Variants in DZIP1 observed in about 807,000 individuals in gnomAD.
The protein encoded by DZIP1 is cilium assembly protein DZIP1.
In DZIP1, 97 loss-of-function variants were observed where a neutral mutation model predicts 107.6. That is an observed-to-expected ratio of 0.90 (90% confidence interval 0.77 to 1.07). The LOEUF is 1.07. Ranked by LOEUF, DZIP1 falls within the 50% of genes least tolerant of loss-of-function variation. The pLI is 0.00. For missense variants in DZIP1, 1,035 were observed against 1,063.6 expected, an observed-to-expected ratio of 0.97 and a Z score of 0.37; for synonymous variants, 390 against 386.4, an observed-to-expected ratio of 1.01 and a Z score of -0.11.
intron 5 of DZIP1, among the ~76,000 whole-genome samples, chr13:95,639,677 A>C (rs1207266667): frequency 1.9e-5 from 1 of 51,520 alleles, no homozygotes; most frequent in East Asian, 4.8e-4. Context: ...TAACCCCAAA[A>C]AAGGAAAAAA....
At position 95,630,131 on chromosome 13, in the gene DZIP1, C is replaced by T. The variant is rs768054359; in HGVS notation, c.686-18G>A. On this transcript the variant is annotated intron_variant, in intron 6 of 22. Coordinates refer to ENST00000376829, the MANE Select transcript of DZIP1 (RefSeq NM_198968.4). ...CTGATACTCTGTTGCAACAGAAAAT[C>T]GTGTTAAAACACCATCTCTTACCAA... The T allele has an allele frequency of 8.7e-6, 14 of 1,603,660 alleles. No homozygotes were observed. The highest frequency in any genetic ancestry group is 1.1e-5 in the Non-Finnish European group (13 of 1,175,198).
chr13:95,627,943 G>T (rs1443917545), intron 7 of DZIP1, among the ~76,000 whole-genome samples: 7 of 152,108 alleles, frequency 4.6e-5, no homozygotes, highest in Non-Finnish European at 8.8e-5. Flanking sequence ...ACATACAATG[G>T]AATATTAGCA....
intron 14 of DZIP1, among the ~76,000 whole-genome samples, chr13:95,600,224 G>A (rs1290419205): frequency 6.6e-6 from 1 of 152,180 alleles, no homozygotes; most frequent in Non-Finnish European, 1.5e-5. Context: ...GTTTAATGAT[G>A]GTGGTCAGGC....
At chr13:95,623,312 C>T (rs1319676887) in intron 8 of DZIP1, among the ~76,000 whole-genome samples, 1 of 152,174 alleles carries the variant, frequency 6.6e-6, no homozygotes, top group Non-Finnish European at 1.5e-5. Context: ...GTCTCCTCTC[C>T]TCAGTGTAGG....
At chr13:95,606,142 G>A (rs575654906) in intron 13 of DZIP1, 83 bp from the exon 14 acceptor site, 36 of 1,301,136 alleles carry the variant, frequency 2.8e-5, no homozygotes, top group African/African-American at 1.8e-4. Flanking sequence ...CAAATATGCC[G>A]CAAACTAGTC....
chr13:95,621,020 C>T lies in DZIP1; in HGVS notation c.1111-1073G>A, dbSNP rs143460309. On this transcript the variant is annotated intron_variant, in intron 9 of 22. Coordinates refer to ENST00000376829, the MANE Select transcript of DZIP1 (RefSeq NM_198968.4). ...GACAGGCCCTGCTCTGCACGGGAGG[C>T]GAGTAGACACAGCCATGGAGAATCC... is the stretch of plus-strand genomic sequence containing the variant. Among the ~76,000 whole-genome samples, 186 of 152,202 alleles carry T rather than the reference C, an allele frequency of 1.2e-3. 1 individual carries two copies. The highest frequency in any genetic ancestry group is 4.4e-3 in the African/African-American group (181 of 41,520).
chr13:95,621,664 C>CTGTGTG lies in DZIP1; in HGVS notation c.1110+678_1110+679insCACACA, dbSNP rs1282902879. 9.2e-3 allele frequency among the ~76,000 whole-genome samples: 791 copies of CTGTGTG among 86,384 alleles called. 5 individuals are homozygous for CTGTGTG. The highest frequency in any genetic ancestry group is 0.015 in the Non-Finnish European group (529 of 36,468). The allele number at this position is 86,384 out of a possible 152,430, so 56.7% of individuals were successfully genotyped here. On this transcript the variant is annotated intron_variant, in intron 9 of 22. Coordinates refer to ENST00000376829, the MANE Select transcript of DZIP1 (RefSeq NM_198968.4). ...AACAGATCATCAGCTGACCAGTTAG[C>CTGTGTG]AGTGTGTGTGTGTGTGTGTGTGTGT...
In DZIP1 at chr13:95,630,009, TG is replaced by T; in HGVS notation, c.789del (p.Ser264ValfsTer20). On this transcript the variant is annotated frameshift_variant, in exon 7 of 23. Coordinates refer to ENST00000376829, the MANE Select transcript of DZIP1 (RefSeq NM_198968.4). LOFTEE classifies it high-confidence loss of function. ...GGTACCTTGGAGAATCTGACTGCAC[TG>T]GCATGGTGTGCAGCCTCTAGCTCAG... The part of the protein sequence containing the change: ...TRSELEAAHH[A>X]SAVRFSKEYE... 1 of 1,610,144 alleles carries T rather than the reference TG, an allele frequency of 6.2e-7. No homozygotes were observed. The highest frequency in any genetic ancestry group is 8.5e-7 in the Non-Finnish European group (1 of 1,178,970).
At chr13:95,619,287 G>T (rs1875526841) in intron 10 of DZIP1, among the ~76,000 whole-genome samples, 1 of 152,174 alleles carries the variant, frequency 6.6e-6, no homozygotes, top group Non-Finnish European at 1.5e-5. Flanking sequence ...TATATATGAG[G>T]TTCTACACTT....
At chr13:95,623,517 CCA>C (rs1335585312) in intron 8 of DZIP1, among the ~76,000 whole-genome samples, 1 of 152,214 alleles carries the variant, frequency 6.6e-6, no homozygotes, top group East Asian at 1.9e-4. Context: ...CACAAAAATG[CCA>C]CAGACAGAGC....
intron 19 of DZIP1, 180 bp from the exon 20 acceptor site, chr13:95,587,909 G>T: frequency 1.5e-6 from 1 of 665,886 alleles, no homozygotes; most frequent in Non-Finnish European, 2.4e-6. Context: ...CACGGCTGTA[G>T]CATCCTCCCA....
chr13:95,599,329 A>G (rs897542220), intron 15 of DZIP1, 36 bp downstream of exon 15: 25 of 1,580,710 alleles, frequency 1.6e-5, no homozygotes, highest in African/African-American at 2.7e-5. Context: ...TATAAATATA[A>G]TCTGTGCAGG....
chr13:95,587,145 T>C (rs1454439105), intron 20 of DZIP1, among the ~76,000 whole-genome samples: 1 of 152,120 alleles, frequency 6.6e-6, no homozygotes, highest in African/African-American at 2.4e-5. Context: ...GGGAAGATGA[T>C]GTGAGGATGC....
rs1009548992 is a variant in DZIP1, at chr13:95,580,676, A to C, written c.*1558T>G. ...GCGTGTTCAAAACCAAACCAGACCA[A>C]GTGGTTCAATAAATATCTGCTGAAT... On this transcript the variant is annotated 3_prime_UTR_variant, in exon 23 of 23. Coordinates refer to ENST00000376829, the MANE Select transcript of DZIP1 (RefSeq NM_198968.4). 2.0e-5 allele frequency: 3 copies of C among 152,228 alleles called. No homozygotes were observed. The highest frequency in any genetic ancestry group is 7.2e-5 in the African/African-American group (3 of 41,454). The allele number at this position is 152,228 out of a possible 1,614,324, so 9.4% of individuals were successfully genotyped here.
chr13:95,586,695 C>T (rs1173068730), intron 20 of DZIP1, among the ~76,000 whole-genome samples: 2 of 151,142 alleles, frequency 1.3e-5, no homozygotes, highest in South Asian at 2.1e-4. Context: ...ATATAAATTA[C>T]ATCCAACAAT....
chr13:95,590,431 C>T lies in DZIP1; in HGVS notation c.1691G>A (p.Gly564Asp), dbSNP rs148931502. 1.1e-4 allele frequency: 180 copies of T among 1,600,660 alleles called. No individual in the cohort carries two copies. Among genetic ancestry groups the T allele is most frequent in the Non-Finnish European group, 1.4e-4 (165 of 1,175,958 alleles). The change falls in exon 17 of 23, where the codon GGC becomes GAC. Residue 564 changes from glycine to aspartate, a missense_variant. By Grantham distance (94) the Gly-to-Asp change is moderately conservative. Coordinates refer to ENST00000376829, the MANE Select transcript of DZIP1 (RefSeq NM_198968.4). ...ETLGINADIR[G>D]ISSDQLHRVL... ...TCTATGCAACTGATCACTTGAAATGCCACGTATATCCTGAAAGAATAAGAT... is the reference window on the plus strand; with the variant it reads ...TCTATGCAACTGATCACTTGAAATGTCACGTATATCCTGAAAGAATAAGAT...
intron 2 of DZIP1, 36 bp from the exon 3 acceptor site, chr13:95,643,293 T>C (rs1204651755): frequency 6.6e-6 from 1 of 152,054 alleles, no homozygotes; most frequent in Admixed American, 6.6e-5. Flanking sequence ...GAAAGGAAAA[T>C]ACAATTCAGA....
At chr13:95,605,723 A>G (rs761322212) in intron 14 of DZIP1, among the ~76,000 whole-genome samples, 1 of 152,270 alleles carries the variant, frequency 6.6e-6, no homozygotes, top group Non-Finnish European at 1.5e-5. Flanking sequence ...CACAAAAATC[A>G]TAAATAATCA....
chr13:95,587,861 G>C, intron 19 of DZIP1, 132 bp from the exon 20 acceptor site: 2 of 1,161,210 alleles, frequency 1.7e-6, no homozygotes, highest in Non-Finnish European at 2.4e-6. Flanking sequence ...TGCCTTTGGG[G>C]CTATGGCCAA....
Sources: gnomAD v4.1 joint callset for allele counts (sites outside exome capture counted in the v4.1 genomes callset) on GRCh38, gnomAD v4.1.1 for gene constraint, MANE v1.5 for transcripts, NCBI Gene and HGNC (gene_info 2026-07-23, HGNC 2026-07-21) for gene names.